Variants in LINGO2 observed in about 807,000 individuals in gnomAD.
LINGO2 encodes leucine rich repeat and Ig domain containing 2.
LINGO2 carries 14 observed loss-of-function variants against 30.6 expected under a neutral mutation model. The observed-to-expected ratio is 0.46, with a 90% CI of 0.30 to 0.72. The LOEUF (loss-of-function observed/expected upper bound fraction) is 0.72, where lower values mean the gene tolerates loss of function less well. Ranked by LOEUF, LINGO2 falls within the 30% of genes least tolerant of loss-of-function variation. LINGO2 has a pLI of 0.07. For missense variants in LINGO2, 729 were observed against 751.7 expected (o/e 0.97, Z 0.35); for synonymous variants, 317 against 288.5 (o/e 1.10, Z -1.00).
intron 3 of LINGO2, among the ~76,000 whole-genome samples, chr9:28,340,605 C>A (rs1436982399): frequency 6.6e-6 from 1 of 151,948 alleles, no homozygotes; most frequent in Non-Finnish European, 1.5e-5. Flanking sequence ...ATTTTCTGAA[C>A]AAGAGTGAGT....
At chr9:28,831,237 T>A in the LINGO2 span, among the ~76,000 whole-genome samples, 1 of 152,170 alleles carries the variant, frequency 6.6e-6, no homozygotes, top group Non-Finnish European at 1.5e-5. Flanking sequence ...TGAATACATA[T>A]GAAGTAAGTT....
chr9:28,027,719 A>G (rs1451867989), intron 4 of LINGO2, among the ~76,000 whole-genome samples: 4 of 152,204 alleles, frequency 2.6e-5, no homozygotes, highest in Admixed American at 2.6e-4. Flanking sequence ...GGTGGTATAT[A>G]AAGTATTTAG....
intron 3 of LINGO2, among the ~76,000 whole-genome samples, chr9:28,304,784 C>T (rs796617173): frequency 9.2e-5 from 14 of 152,034 alleles, no homozygotes; most frequent in African/African-American, 3.1e-4. Context: ...TACTGGCACC[C>T]AGCTCAGAGA....
chr9:28,949,784 A>T, the LINGO2 span, among the ~76,000 whole-genome samples: 1 of 152,170 alleles, frequency 6.6e-6, no homozygotes, highest in Non-Finnish European at 1.5e-5. Context: ...TCCTGATACC[A>T]AAACCTGGCA....
At chr9:29,021,074 T>C in the LINGO2 span, among the ~76,000 whole-genome samples, 1 of 152,216 alleles carries the variant, frequency 6.6e-6, no homozygotes, top group East Asian at 1.9e-4. Flanking sequence ...TCAGAAACGA[T>C]TACTGTATCT....
At chr9:29,144,167 A>T in the LINGO2 span, among the ~76,000 whole-genome samples, 1 of 152,148 alleles carries the variant, frequency 6.6e-6, no homozygotes, top group East Asian at 1.9e-4. Context: ...TTCGGTTACT[A>T]TAGCCTTGTA....
At chr9:28,336,889 A>G (rs1329289897) in intron 3 of LINGO2, among the ~76,000 whole-genome samples, 4 of 152,120 alleles carry the variant, frequency 2.6e-5, no homozygotes, top group Non-Finnish European at 4.4e-5. Flanking sequence ...AATATTTAAA[A>G]AATCACAAAG....
At chr9:28,110,457 C>CTGGGCTTTT (rs1563980888) in intron 4 of LINGO2, among the ~76,000 whole-genome samples, 13 of 152,318 alleles carry the variant, frequency 8.5e-5, no homozygotes, top group Middle Eastern at 6.8e-3. Flanking sequence ...AGTGAACAGG[C>CTGGGCTTTT]AACCTACAGA....
At chr9:28,912,358 T>A in the LINGO2 span, among the ~76,000 whole-genome samples, 4 of 152,078 alleles carry the variant, frequency 2.6e-5, no homozygotes, top group Non-Finnish European at 5.9e-5. Context: ...TCAGCCTAAA[T>A]AACCTTGCCT....
the LINGO2 span, among the ~76,000 whole-genome samples, chr9:29,003,924 G>T: frequency 6.6e-6 from 1 of 151,970 alleles, no homozygotes; most frequent in Non-Finnish European, 1.5e-5. Context: ...CAATCTCCCT[G>T]ATAGATTCAA....
At chr9:28,846,856 T>A in the LINGO2 span, among the ~76,000 whole-genome samples, 2 of 147,266 alleles carry the variant, frequency 1.4e-5, no homozygotes, top group Non-Finnish European at 3.0e-5. Context: ...GGTTTCCCAC[T>A]CACATTTACA....
At chr9:28,275,604 T>C (rs768044357) in intron 4 of LINGO2, among the ~76,000 whole-genome samples, 2 of 152,168 alleles carry the variant, frequency 1.3e-5, no homozygotes, top group African/African-American at 4.8e-5. Context: ...CTAGGCATAT[T>C]ATCTCTTACA....
intron 4 of LINGO2, among the ~76,000 whole-genome samples, chr9:28,048,617 G>A (rs552760038): frequency 6.6e-6 from 1 of 150,786 alleles, no homozygotes; most frequent in Non-Finnish European, 1.5e-5. Context: ...GACTGATTCG[G>A]TAATTTTATT....
chr9:29,017,570 G>T, the LINGO2 span, among the ~76,000 whole-genome samples: 69,600 of 151,790 alleles, frequency 0.46, 16,603 homozygotes, highest in Middle Eastern at 0.53. Flanking sequence ...GAGGGAACAA[G>T]GTGGCTAGTA....
intron 4 of LINGO2, among the ~76,000 whole-genome samples, chr9:28,079,668 C>T (rs1825720609): frequency 1.3e-5 from 2 of 152,116 alleles, no homozygotes; most frequent in South Asian, 4.2e-4. Flanking sequence ...GGTTGAACTG[C>T]CACAAGTTTC....
At chr9:28,337,725 G>A (rs756060885) in intron 3 of LINGO2, among the ~76,000 whole-genome samples, 5 of 152,126 alleles carry the variant, frequency 3.3e-5, no homozygotes, top group Non-Finnish European at 7.4e-5. Flanking sequence ...TTCAGAGAGT[G>A]CCAGCCCCAA....
the LINGO2 span, among the ~76,000 whole-genome samples, chr9:28,985,893 T>C: frequency 2.0e-5 from 3 of 152,214 alleles, no homozygotes; most frequent in South Asian, 2.1e-4. Flanking sequence ...ATTTTCACTT[T>C]TGCTGTCTGC....
chr9:29,140,798 A>T, the LINGO2 span, among the ~76,000 whole-genome samples: 1,370 of 152,134 alleles, frequency 9.0e-3, 26 homozygotes, highest in African/African-American at 0.031. Context: ...CTCTTCACAT[A>T]TAAGGGAGGC....
chr9:28,338,845 T>C (rs903852625), intron 3 of LINGO2, among the ~76,000 whole-genome samples: 3 of 152,236 alleles, frequency 2.0e-5, no homozygotes, highest in Admixed American at 6.5e-5. Flanking sequence ...CTTTCCTTTA[T>C]AAATTACCCA....
Sources: gnomAD v4.1 joint callset for allele counts (sites outside exome capture counted in the v4.1 genomes callset) on GRCh38, gnomAD v4.1.1 for gene constraint, MANE v1.5 for transcripts, NCBI Gene and HGNC (gene_info 2026-07-23, HGNC 2026-07-21) for gene names.